Variants in CDH12 observed in about 807,000 individuals in gnomAD.
CDH12 encodes cadherin 12.
In CDH12, 41 loss-of-function variants were observed where a neutral mutation model predicts 74.1. That is an observed-to-expected ratio of 0.55 (90% CI 0.43 to 0.72). The LOEUF is 0.72. Ranked by LOEUF, CDH12 falls within the 30% of genes least tolerant of loss-of-function variation. The probability of loss-of-function intolerance (pLI) is 0.00; values close to 1 mark genes in which losing one functional copy is unlikely to be tolerated. For synonymous variants in CDH12, 399 were observed against 355.0 expected (o/e 1.12, Z -1.39); for missense variants, 945 against 977.2 (o/e 0.97, Z 0.44).
chr5:22,779,362 A>G (rs1421575833), intron 1 of CDH12, among the ~76,000 whole-genome samples: 1 of 151,652 alleles, frequency 6.6e-6, no homozygotes, highest in East Asian at 1.9e-4. Context: ...GAGGACTTAA[A>G]TGGAGATTTT....
At chr5:22,837,245 C>T (rs1736866815) in intron 1 of CDH12, among the ~76,000 whole-genome samples, 1 of 151,888 alleles carries the variant, frequency 6.6e-6, no homozygotes, top group Admixed American at 6.6e-5. Context: ...ACAGTAGACC[C>T]TGTTTCTACG....
chr5:22,801,870 T>C (rs141851375), intron 1 of CDH12, among the ~76,000 whole-genome samples: 2 of 151,284 alleles, frequency 1.3e-5, no homozygotes, highest in African/African-American at 4.8e-5. Flanking sequence ...TAAAATCAAC[T>C]TCTAAAAAAT....
chr5:22,389,624 A>G (rs1256985708), intron 3 of CDH12, among the ~76,000 whole-genome samples: 2 of 150,942 alleles, frequency 1.3e-5, no homozygotes, highest in Non-Finnish European at 2.9e-5. Flanking sequence ...ATACAGACAT[A>G]CATTTTATTT....
chr5:22,828,509 G>A (rs1223264534), intron 1 of CDH12, among the ~76,000 whole-genome samples: 2 of 152,086 alleles, frequency 1.3e-5, no homozygotes, highest in Non-Finnish European at 2.9e-5. Flanking sequence ...AAGTAGGAAG[G>A]GATAGTTAAC....
chr5:21,852,307 C>G (rs4301195), intron 7 of CDH12, among the ~76,000 whole-genome samples: 77 of 151,046 alleles, frequency 5.1e-4, no homozygotes, highest in African/African-American at 1.6e-3. Context: ...ACATAGCTTA[C>G]GACAGAATTG....
At chr5:22,679,332 G>A (rs971411127) in intron 1 of CDH12, among the ~76,000 whole-genome samples, 4 of 152,048 alleles carry the variant, frequency 2.6e-5, no homozygotes, top group African/African-American at 9.7e-5. Context: ...GAATGTCACA[G>A]ACAATAAAGA....
intron 6 of CDH12, among the ~76,000 whole-genome samples, chr5:21,967,424 T>C (rs570133981): frequency 6.6e-6 from 1 of 152,302 alleles, no homozygotes; most frequent in East Asian, 1.9e-4. Context: ...ATAAGACATA[T>C]TTAATGTTTA....
At chr5:21,761,972 G>A (rs1358555813) in intron 12 of CDH12, among the ~76,000 whole-genome samples, 2 of 152,074 alleles carry the variant, frequency 1.3e-5, no homozygotes, top group African/African-American at 4.8e-5. Flanking sequence ...CTAAATCATG[G>A]AATGTGGCAA....
chr5:22,153,901 T>TACAC (rs1448948559), intron 4 of CDH12, among the ~76,000 whole-genome samples: 52 of 54,588 alleles, frequency 9.5e-4, no homozygotes, highest in African/African-American at 2.0e-3. Context: ...TATATATATA[T>TACAC]ATACACACAC....
intron 1 of CDH12, among the ~76,000 whole-genome samples, chr5:22,648,179 C>T (rs965886543): frequency 4.6e-5 from 7 of 151,732 alleles, no homozygotes; most frequent in Non-Finnish European, 1.0e-4. Context: ...AAAGCACTCC[C>T]TCCACAAGCG....
intron 5 of CDH12, among the ~76,000 whole-genome samples, chr5:22,019,506 G>T (rs1427122598): frequency 1.3e-5 from 2 of 152,102 alleles, no homozygotes; most frequent in Non-Finnish European, 2.9e-5. Context: ...GGTCATGAAG[G>T]TGCAGCCTTC....
intron 1 of CDH12, among the ~76,000 whole-genome samples, chr5:22,570,131 C>G (rs1739473952): frequency 6.6e-6 from 1 of 152,014 alleles, no homozygotes; most frequent in Admixed American, 6.6e-5. Context: ...TCTCGGCTCA[C>G]TGCAACCTTC....
chr5:22,033,675 A>G (rs1050148273), intron 5 of CDH12, among the ~76,000 whole-genome samples: 7 of 152,198 alleles, frequency 4.6e-5, no homozygotes, highest in African/African-American at 1.7e-4. Context: ...AGTCAAAAGT[A>G]ATGTGGATGG....
chr5:22,814,596 C>T (rs1749299908), intron 1 of CDH12, among the ~76,000 whole-genome samples: 1 of 152,076 alleles, frequency 6.6e-6, no homozygotes, highest in South Asian at 2.1e-4. Context: ...TAAAGAATAA[C>T]TTAGGGTGAA....
chr5:21,991,123 C>T (rs1243126736), intron 5 of CDH12, among the ~76,000 whole-genome samples: 9 of 151,690 alleles, frequency 5.9e-5, no homozygotes, highest in African/African-American at 1.5e-4. Flanking sequence ...AAAATACTTT[C>T]GACTGCCCAT....
intron 10 of CDH12, among the ~76,000 whole-genome samples, chr5:21,799,969 G>A (rs1193631447): frequency 6.6e-6 from 1 of 152,170 alleles, no homozygotes; most frequent in African/African-American, 2.4e-5. Context: ...GTGGGCCTGA[G>A]AGGTGAAGAA....
At chr5:21,844,187 T>G (rs1023778421) in intron 7 of CDH12, among the ~76,000 whole-genome samples, 2 of 152,150 alleles carry the variant, frequency 1.3e-5, no homozygotes, top group African/African-American at 4.8e-5. Flanking sequence ...CCCAAGATGA[T>G]GCAATCATTT....
At chr5:22,696,781 T>C (rs977462267) in intron 1 of CDH12, among the ~76,000 whole-genome samples, 1 of 152,174 alleles carries the variant, frequency 6.6e-6, no homozygotes, top group African/African-American at 2.4e-5. Flanking sequence ...CTATGTCATC[T>C]CAGTGTTTTT....
chr5:22,706,425 C>T lies in CDH12; in HGVS notation c.-523+146633G>A, dbSNP rs570620315. On this transcript the variant is annotated intron_variant, in intron 1 of 14. Coordinates refer to ENST00000382254, the MANE Select transcript of CDH12 (RefSeq NM_004061.5). ...ACATATACACAAACTAAAAAGAAAG[C>T]CAATCATGTATCACAGATTTTACCT... is the stretch of plus-strand genomic sequence containing the variant. 2.6e-4 allele frequency among the ~76,000 whole-genome samples: 39 copies of T among 151,992 alleles called. 1 individual carries two copies. In the Middle Eastern group the frequency reaches 0.014, roughly 54 times the overall value.
Sources: gnomAD v4.1 joint callset for allele counts (sites outside exome capture counted in the v4.1 genomes callset) on GRCh38, gnomAD v4.1.1 for gene constraint, MANE v1.5 for transcripts, NCBI Gene and HGNC (gene_info 2026-07-23, HGNC 2026-07-21) for gene names.